TXLNB: variants seen among roughly 807,000 people sequenced by gnomAD.
The protein encoded by TXLNB is taxilin beta, also known as beta-taxilin.
TXLNB carries 37 observed loss-of-function variants against 57.4 expected under a neutral mutation model. The ratio of observed to expected loss-of-function variants is 0.64; its 90% CI spans 0.50 to 0.85. The LOEUF is 0.85. Among genes scored for constraint, TXLNB ranks in the 40% least tolerant of loss-of-function variants. TXLNB has a pLI of 0.00. For missense variants in TXLNB, 848 were observed against 825.6 expected, an observed-to-expected ratio of 1.03 and a Z score of -0.33; for synonymous variants, 302 against 309.6, an observed-to-expected ratio of 0.98 and a Z score of 0.26.
chr6:139,313,982 C>CTTAA, the TXLNB span, among the ~76,000 whole-genome samples: 2 of 152,172 alleles, frequency 1.3e-5, no homozygotes, highest in Non-Finnish European at 2.9e-5. Context: ...AAACAGAGAT[C>CTTAA]TTAAGACTGA....
chr6:139,168,507 C>T, the TXLNB span, among the ~76,000 whole-genome samples: 3 of 150,964 alleles, frequency 2.0e-5, no homozygotes, highest in African/African-American at 7.3e-5. Context: ...TTTCCACATA[C>T]CTGTCAGATT....
At chr6:139,181,821 A>AAT in the TXLNB span, among the ~76,000 whole-genome samples, 1 of 152,194 alleles carries the variant, frequency 6.6e-6, no homozygotes, top group African/African-American at 2.4e-5. Flanking sequence ...ATGCTTTATA[A>AAT]ATGGTACTAT....
chr6:139,175,810 C>G, the TXLNB span, among the ~76,000 whole-genome samples: 23 of 152,176 alleles, frequency 1.5e-4, no homozygotes, highest in African/African-American at 5.5e-4. Context: ...AAAAACAGAA[C>G]AGCATCCTGC....
At chr6:139,185,744 A>C in the TXLNB span, among the ~76,000 whole-genome samples, 1 of 152,198 alleles carries the variant, frequency 6.6e-6, no homozygotes, top group African/African-American at 2.4e-5. Context: ...TACTGGGTTA[A>C]GGGTGGTCTT....
At chr6:139,305,114 C>T in the TXLNB span, among the ~76,000 whole-genome samples, 2 of 152,264 alleles carry the variant, frequency 1.3e-5, no homozygotes, top group Non-Finnish European at 2.9e-5. Context: ...TTTTGAATTA[C>T]CTTTTCCACT....
the TXLNB span, among the ~76,000 whole-genome samples, chr6:139,203,296 T>C: frequency 2.8e-4 from 42 of 152,308 alleles, no homozygotes; most frequent in African/African-American, 9.9e-4. Context: ...GTTACTAGCC[T>C]TTCTCTCTCC....
Position 139,244,779 on chromosome 6 carries a change from C to T in TXLNB, c.1171-89G>A, listed in dbSNP as rs1222147242. The T allele has an allele frequency of 5.0e-6, 4 of 807,482 alleles. No homozygotes were observed. The East Asian group carries it at 9.8e-5, about 20-fold the overall frequency. 50.0% of individuals were successfully genotyped at this position (807,482 alleles called of 1,614,324 possible). A position where few individuals can be genotyped will look rare whatever the true frequency, so the allele number is the denominator to read the frequency against. ...CTCCATATGTGAGACCAGGAGAAGC[C>T]CTTTTGTTACCAGATGCTGAAGCAA... On this transcript the variant is annotated intron_variant, in intron 8 of 9. Coordinates refer to ENST00000358430, the MANE Select transcript of TXLNB (RefSeq NM_153235.4).
intron 6 of TXLNB, among the ~76,000 whole-genome samples, chr6:139,256,481 C>T (rs1776343692): frequency 6.6e-6 from 1 of 152,222 alleles, no homozygotes; most frequent in Non-Finnish European, 1.5e-5. Flanking sequence ...AGACACCTGC[C>T]ACCATGCCCA....
At chr6:139,295,035 T>C (rs1274452427), upstream of TXLNB, among the ~76,000 whole-genome samples, 1 of 152,172 alleles carries the variant, frequency 6.6e-6, no homozygotes, top group African/African-American at 2.4e-5. Flanking sequence ...GTTTATGTTA[T>C]TTTGTTATAG....
At chr6:139,188,888 G>A in the TXLNB span, among the ~76,000 whole-genome samples, 8 of 152,286 alleles carry the variant, frequency 5.3e-5, no homozygotes, top group Non-Finnish European at 1.5e-5. Context: ...CTGAGTAGCT[G>A]GGATTACAGG....
At chr6:139,281,749 C>A (rs1342841176) in intron 2 of TXLNB, among the ~76,000 whole-genome samples, 1 of 111,560 alleles carries the variant, frequency 9.0e-6, no homozygotes, top group Admixed American at 8.0e-5. Flanking sequence ...GGGTTTTCAC[C>A]GTGTTAGCCA....
At chr6:139,220,652 C>G in the TXLNB span, among the ~76,000 whole-genome samples, 4 of 152,202 alleles carry the variant, frequency 2.6e-5, no homozygotes, top group Non-Finnish European at 4.4e-5. Flanking sequence ...TTGTGGCACA[C>G]TTTCCTTCCA....
At chr6:139,296,869 T>C (rs1214703842), upstream of TXLNB, among the ~76,000 whole-genome samples, 3 of 151,880 alleles carry the variant, frequency 2.0e-5, no homozygotes, top group Non-Finnish European at 2.9e-5. Context: ...CTGAGCAACA[T>C]AGTGAGACCC....
At chr6:139,171,088 G>A in the TXLNB span, among the ~76,000 whole-genome samples, 1 of 152,122 alleles carries the variant, frequency 6.6e-6, no homozygotes, top group Non-Finnish European at 1.5e-5. Flanking sequence ...CTGTGTGTTG[G>A]GTTTGAAGGG....
the TXLNB span, among the ~76,000 whole-genome samples, chr6:139,202,480 A>G: frequency 2.6e-5 from 4 of 152,244 alleles, no homozygotes; most frequent in African/African-American, 7.2e-5. Flanking sequence ...AGCTTTCACT[A>G]TGCTGTAGGA....
chr6:139,208,111 A>G, the TXLNB span, among the ~76,000 whole-genome samples: 4 of 152,242 alleles, frequency 2.6e-5, no homozygotes, highest in Admixed American at 2.6e-4. Flanking sequence ...GAAACTGGAA[A>G]TATTACAGCC....
the TXLNB span, among the ~76,000 whole-genome samples, chr6:139,299,183 G>C: frequency 6.6e-6 from 1 of 152,178 alleles, no homozygotes; most frequent in Admixed American, 6.5e-5. Flanking sequence ...GCTGCTCCTG[G>C]GGAGGGGAGG....
At chr6:139,292,274 T>C (rs1777319531), upstream of TXLNB, 1 of 152,240 alleles carries the variant, frequency 6.6e-6, no homozygotes, top group South Asian at 2.1e-4. The surrounding 1 kb of genome is among the most constrained non-coding windows in gnomAD (Gnocchi z 4.0). Context: ...ACTCTCCATG[T>C]TTTGTTTGTC....
At chr6:139,245,861 T>G in intron 8 of TXLNB, among the ~76,000 whole-genome samples, 1 of 127,194 alleles carries the variant, frequency 7.9e-6, no homozygotes, top group South Asian at 2.3e-4. Flanking sequence ...CCTGGCTAAT[T>G]TTTTTGTATT....
Sources: gnomAD v4.1 joint callset for allele counts (sites outside exome capture counted in the v4.1 genomes callset) on GRCh38, gnomAD v4.1.1 for gene constraint, Gnocchi (gnomAD v3.1) non-coding constraint, MANE v1.5 for transcripts, NCBI Gene and HGNC (gene_info 2026-07-23, HGNC 2026-07-21) for gene names.